Variants in PDE8B observed in about 807,000 individuals in gnomAD.
PDE8B encodes high affinity cAMP-specific and IBMX-insensitive 3',5'-cyclic phosphodiesterase 8B.
Under a neutral mutation model 101.3 loss-of-function variants are expected in PDE8B, and 26 were observed. The observed-to-expected ratio is 0.26, with a 90% CI of 0.19 to 0.36. The LOEUF (loss-of-function observed/expected upper bound fraction) is 0.36. Ranked by LOEUF, PDE8B falls within the 10% of genes least tolerant of loss-of-function variation. The pLI is 1.00. For synonymous variants in PDE8B, 424 were observed against 429.3 expected, an observed-to-expected ratio of 0.99 and a Z score of 0.15; for missense variants, 810 against 1,163.1, an observed-to-expected ratio of 0.70 and a Z score of 4.42.
chr5:77,210,086 G>A (rs1747917884), upstream of PDE8B, among the ~76,000 whole-genome samples: 1 of 152,144 alleles, frequency 6.6e-6, no homozygotes, highest in Admixed American at 6.5e-5. This position sits in a 1 kb window ranked among gnomAD's most constrained non-coding sequence, Gnocchi z 4.9. Flanking sequence ...GTGGGCCTGG[G>A]CTGTAGGGCC....
At chr5:77,266,917 T>C (rs955064306) in intron 1 of PDE8B, among the ~76,000 whole-genome samples, 1 of 151,984 alleles carries the variant, frequency 6.6e-6, no homozygotes, top group Non-Finnish European at 1.5e-5. Flanking sequence ...TATTATTAGG[T>C]GTTGAACTGA....
At chr5:77,422,804 T>C (rs12110072) in intron 20 of PDE8B, among the ~76,000 whole-genome samples, 6,636 of 152,050 alleles carry the variant, frequency 0.044, 485 homozygotes, top group African/African-American at 0.15. Context: ...GGAGGCAGGA[T>C]AAATAAGGGC....
chr5:77,409,254 C>A (rs969186148), intron 14 of PDE8B, among the ~76,000 whole-genome samples, 197 bp downstream of exon 14: 1 of 152,150 alleles, frequency 6.6e-6, no homozygotes, highest in Non-Finnish European at 1.5e-5. Flanking sequence ...TTTGTCTTTC[C>A]ATGAGGCTGG....
chr5:77,307,518 G>T (rs952964841), intron 1 of PDE8B, among the ~76,000 whole-genome samples: 3 of 152,132 alleles, frequency 2.0e-5, no homozygotes, highest in Admixed American at 2.0e-4. Context: ...TAATTTTGCA[G>T]TCATGGACCC....
the PDE8B span, among the ~76,000 whole-genome samples, chr5:77,186,702 G>A: frequency 6.6e-6 from 1 of 152,160 alleles, no homozygotes; most frequent in African/African-American, 2.4e-5. Flanking sequence ...GGGCCTCCAT[G>A]ATTGGAGCAA....
the PDE8B span, among the ~76,000 whole-genome samples, chr5:77,110,038 A>C: frequency 7.0e-6 from 1 of 143,754 alleles, no homozygotes; most frequent in Non-Finnish European, 1.5e-5. Context: ...CCTGGGTTCA[A>C]GTGATCCTCC....
intron 5 of PDE8B, among the ~76,000 whole-genome samples, chr5:77,336,918 A>G (rs1017426920): frequency 2.0e-5 from 3 of 152,242 alleles, no homozygotes; most frequent in African/African-American, 7.2e-5. Flanking sequence ...TATTAGTGCA[A>G]TATGAAGCAA....
chr5:77,240,348 T>C (rs1046746210), intron 1 of PDE8B, among the ~76,000 whole-genome samples: 2 of 151,522 alleles, frequency 1.3e-5, no homozygotes, highest in African/African-American at 4.9e-5. Flanking sequence ...AGAGACGGGG[T>C]TTCACCGTGT....
chr5:77,356,195 G>A (rs887826928), intron 10 of PDE8B, among the ~76,000 whole-genome samples: 4 of 151,966 alleles, frequency 2.6e-5, no homozygotes, highest in African/African-American at 9.7e-5. Flanking sequence ...TTTTGCCTTC[G>A]TGCTAGCCTC....
At position 77,225,545 on chromosome 5, in the gene PDE8B, C is replaced by A. The variant is rs963802717; in HGVS notation, c.339+14281C>A. ...CTCTGATCTAGAATTAGTCTTTTCT[C>A]CCAGGAACCTAATTATTTTTATTGA... On this transcript the variant is annotated intron_variant, in intron 1 of 21. Coordinates refer to ENST00000264917, the MANE Select transcript of PDE8B (RefSeq NM_003719.5). 2.0e-5 allele frequency among the ~76,000 whole-genome samples: 3 copies of A among 150,476 alleles called. No individual in the cohort carries two copies. The South Asian group carries it at 6.3e-4, about 32-fold the overall frequency.
At chr5:77,418,094 G>A in intron 17 of PDE8B, 135 bp from the exon 18 acceptor site, 1 of 710,520 alleles carries the variant, frequency 1.4e-6, no homozygotes, top group Non-Finnish European at 2.5e-6. Flanking sequence ...TCCACATCTA[G>A]GTCAGAAGGC....
At chr5:77,152,843 A>G in the PDE8B span, among the ~76,000 whole-genome samples, 1 of 151,628 alleles carries the variant, frequency 6.6e-6, no homozygotes, top group Non-Finnish European at 1.5e-5. Flanking sequence ...AGCATTGAGG[A>G]TGGGAAGGGG....
rs1748312657 is a variant in PDE8B, at chr5:77,211,287, C to T, written c.339+23C>T. On this transcript the variant is annotated intron_variant, in intron 1 of 21. Transcript: ENST00000264917. The surrounding 1 kb of genome is among the most constrained non-coding windows in gnomAD (Gnocchi z 4.1). ...AAGGTAAATGCCCCGCGCTGGCACA[C>T]GCCGTGGGGGCCGTCCGCCCCGTCG... The T allele has an allele frequency of 2.0e-6, 3 of 1,535,776 alleles. No homozygotes were observed. The highest frequency in any genetic ancestry group is 2.6e-6 in the Non-Finnish European group (3 of 1,148,410).
the PDE8B span, chr5:77,145,654 T>C: frequency 6.6e-6 from 1 of 152,180 alleles, no homozygotes; most frequent in Non-Finnish European, 1.5e-5. Context: ...GGGGCCTAGC[T>C]CAAAAAGAAC....
intron 1 of PDE8B, among the ~76,000 whole-genome samples, chr5:77,277,327 A>G (rs1377392427): frequency 2.0e-5 from 3 of 152,212 alleles, no homozygotes. Context: ...AACACCTATT[A>G]TCTATGACTG....
the PDE8B span, among the ~76,000 whole-genome samples, chr5:77,125,437 AT>A: frequency 2.0e-5 from 3 of 152,258 alleles, no homozygotes; most frequent in African/African-American, 7.2e-5. Context: ...GAATTACCAT[AT>A]GATTTAGCAA....
At chr5:77,358,612 G>A (rs566833315) in intron 10 of PDE8B, among the ~76,000 whole-genome samples, 2 of 152,342 alleles carry the variant, frequency 1.3e-5, no homozygotes, top group African/African-American at 4.8e-5. Flanking sequence ...TGCAACTTCT[G>A]TCTTATCCCG....
chr5:77,279,746 A>G (rs975963636), intron 1 of PDE8B, among the ~76,000 whole-genome samples: 1 of 152,182 alleles, frequency 6.6e-6, no homozygotes, highest in African/African-American at 2.4e-5. Flanking sequence ...TCTTACTTCC[A>G]AAGTCTGCAC....
intron 1 of PDE8B, among the ~76,000 whole-genome samples, chr5:77,256,807 A>G (rs1174782727): frequency 6.6e-6 from 1 of 152,210 alleles, no homozygotes; most frequent in Non-Finnish European, 1.5e-5. Flanking sequence ...AAAAAATCTC[A>G]AACCAAAAAA....
Sources: allele counts gnomAD v4.1 joint callset (sites outside exome capture counted in the v4.1 genomes callset), GRCh38; gene constraint gnomAD v4.1.1; non-coding constraint Gnocchi (gnomAD v3.1); transcripts MANE v1.5; gene names NCBI Gene and HGNC (gene_info 2026-07-23, HGNC 2026-07-21).